Variants in ERBIN observed in about 807,000 individuals in gnomAD.
The protein encoded by ERBIN is densin-180-like protein.
In ERBIN, 60 loss-of-function variants were observed where a neutral mutation model predicts 158.4. The observed-to-expected ratio is 0.38, with a 90% CI of 0.31 to 0.47. ERBIN has a LOEUF of 0.47. Ranked by LOEUF, ERBIN falls within the 20% of genes least tolerant of loss-of-function variation. The pLI is 0.99. For synonymous variants in ERBIN, 594 were observed against 557.2 expected (o/e 1.07, Z -0.93); for missense variants, 1,610 against 1,648.0 (o/e 0.98, Z 0.40).
At chr5:66,011,096 ATATCTATCATAG>A (rs1754149903) in intron 4 of ERBIN, among the ~76,000 whole-genome samples, 1 of 152,244 alleles carries the variant, frequency 6.6e-6, no homozygotes, top group South Asian at 2.1e-4. Context: ...TCTCTTGAAT[ATATCTATCATAG>A]TATTCAGAAA....
At position 66,048,756 on chromosome 5, in the gene ERBIN, C is replaced by T. The variant is rs1003609604; in HGVS notation, c.1878C>T (p.Val626=). 1.3e-5 allele frequency: 21 copies of T among 1,600,656 alleles called. No individual in the cohort carries two copies. Among genetic ancestry groups the T allele is most frequent in the Non-Finnish European group, 7.7e-6 (9 of 1,173,832 alleles). ...AAACCTCTATTAACCAGCCAAAAGT[C>T]GTAGCACTTAGTAATAACAAAAAAG... is the stretch of plus-strand genomic sequence containing the variant. ...LIETSINQPK[V]VALSNNKKDD... Residue 626 remains valine (V), a synonymous_variant, in exon 19 of 26, where the codon GTC becomes GTT. Coordinates refer to ENST00000284037, the MANE Select transcript of ERBIN (RefSeq NM_001253697.2).
rs573480736 is a variant in ERBIN at position 66,029,592 on chromosome 5, G to GTCCT, written c.1206+1250_1206+1253dup. The stretch of plus-strand genomic sequence containing the variant: ...GTTCTGTCCTGTCCTGTCCTGTCCT[G>GTCCT]TCCTGTCTTGTCCTGTCCTTTTCTT... On this transcript the variant is annotated intron_variant, in intron 14 of 25. Coordinates refer to ENST00000284037, the MANE Select transcript of ERBIN (RefSeq NM_001253697.2). Among the ~76,000 whole-genome samples the GTCCT allele has an allele frequency of 3.9e-3, 589 of 151,902 alleles. 2 individuals carry two copies. Among genetic ancestry groups the GTCCT allele is most frequent in the Non-Finnish European group, 5.7e-3 (389 of 67,966 alleles).
At chr5:66,067,719 C>T (rs1448073355) in intron 21 of ERBIN, among the ~76,000 whole-genome samples, 2 of 151,886 alleles carry the variant, frequency 1.3e-5, no homozygotes, top group Admixed American at 1.3e-4. Context: ...CACACATTTT[C>T]TCGTTTTCTT....
At chr5:65,958,066 G>T (rs1169890202) in intron 1 of ERBIN, among the ~76,000 whole-genome samples, 21 of 151,556 alleles carry the variant, frequency 1.4e-4, no homozygotes, top group African/African-American at 4.9e-4. Context: ...ACGATGGGCG[G>T]CAGGGCAGAG....
intron 14 of ERBIN, among the ~76,000 whole-genome samples, chr5:66,029,990 A>G (rs1293137594): frequency 1.3e-5 from 2 of 152,078 alleles, no homozygotes; most frequent in African/African-American, 4.8e-5. Flanking sequence ...CTGCTTTGCA[A>G]ATTTAGAGAG....
intron 1 of ERBIN, among the ~76,000 whole-genome samples, chr5:65,981,040 G>A (rs1440524479): frequency 1.3e-5 from 2 of 152,164 alleles, no homozygotes; most frequent in African/African-American, 4.8e-5. Flanking sequence ...ATTACGTGGG[G>A]CGTCAAAAGT....
At chr5:66,010,502 T>G (rs1668170273) in intron 4 of ERBIN, among the ~76,000 whole-genome samples, 1 of 152,128 alleles carries the variant, frequency 6.6e-6, no homozygotes, top group African/African-American at 2.4e-5. Context: ...AATACCCTGT[T>G]TTTCATCATA....
intron 2 of ERBIN, among the ~76,000 whole-genome samples, chr5:65,989,444 T>G (rs554325272): frequency 7.2e-5 from 11 of 152,322 alleles, no homozygotes; most frequent in African/African-American, 2.6e-4. Context: ...GTAGTCTCTA[T>G]TCACAGAAAG....
At position 65,995,639 on chromosome 5, in the gene ERBIN, T is replaced by C. The variant is rs536549571; in HGVS notation, c.307+775T>C. 3.9e-5 allele frequency among the ~76,000 whole-genome samples: 6 copies of C among 152,284 alleles called. 1 individual carries two copies. In the South Asian group the frequency reaches 1.2e-3, roughly 32 times the overall value. On this transcript the variant is annotated intron_variant, in intron 4 of 25. Coordinates refer to ENST00000284037, the MANE Select transcript of ERBIN (RefSeq NM_001253697.2). The stretch of plus-strand genomic sequence containing the variant: ...CTGATTTCATTCACTTTGATACATA[T>C]CCAGTAGTGGGATTGCTGGATCTTG...
intron 14 of ERBIN, among the ~76,000 whole-genome samples, chr5:66,034,844 G>T (rs1371262178): frequency 6.6e-6 from 1 of 152,150 alleles, no homozygotes; most frequent in African/African-American, 2.4e-5. Flanking sequence ...TGCAAGAAAA[G>T]AATAATGCAG....
intron 4 of ERBIN, among the ~76,000 whole-genome samples, chr5:66,002,598 C>T (rs186025935): frequency 1.6e-3 from 236 of 152,222 alleles, no homozygotes; most frequent in Admixed American, 3.4e-3. Context: ...GCAATACTAG[C>T]GAGGTTAACC....
intron 14 of ERBIN, among the ~76,000 whole-genome samples, chr5:66,030,211 G>T (rs1580403942): frequency 6.6e-6 from 1 of 150,710 alleles, no homozygotes; most frequent in Admixed American, 6.6e-5. Context: ...GCTAATTTTT[G>T]TATTTTTTTT....
chr5:65,930,461 C>A (rs573471319), intron 1 of ERBIN, among the ~76,000 whole-genome samples: 1 of 152,206 alleles, frequency 6.6e-6, no homozygotes, highest in African/African-American at 2.4e-5. Context: ...GCGCCCGCCA[C>A]TGTGCCCGGC....
chr5:65,978,226 A>G (rs1028776433), intron 1 of ERBIN, among the ~76,000 whole-genome samples: 5 of 152,114 alleles, frequency 3.3e-5, no homozygotes, highest in Non-Finnish European at 5.9e-5. Context: ...AAGTATTGCT[A>G]TGAGCCTATA....
intron 1 of ERBIN, among the ~76,000 whole-genome samples, chr5:65,955,627 A>G (rs751724172): frequency 4.7e-5 from 7 of 150,028 alleles, no homozygotes; most frequent in Non-Finnish European, 1.0e-4. Context: ...CCATCTCAAC[A>G]AACAAACAAA....
At chr5:66,003,427 G>C (rs1302258157) in intron 4 of ERBIN, among the ~76,000 whole-genome samples, 1 of 152,154 alleles carries the variant, frequency 6.6e-6, no homozygotes, top group Non-Finnish European at 1.5e-5. Context: ...GGTTTGCCGT[G>C]GATGGGATGC....
At position 65,973,098 on chromosome 5, in the gene ERBIN, A is replaced by T. The variant is rs536733564; in HGVS notation, c.-57-15537A>T. On this transcript the variant is annotated intron_variant, in intron 1 of 25. Coordinates refer to ENST00000284037, the MANE Select transcript of ERBIN (RefSeq NM_001253697.2). ...TGCAGCCATAAAAAAGGATGAATTC[A>T]TGTCCTTTCTAGGAACATGGATGAA... 1.2e-3 allele frequency among the ~76,000 whole-genome samples: 183 copies of T among 151,274 alleles called. 1 individual carries two copies. Among genetic ancestry groups the T allele is most frequent in the Middle Eastern group, 3.4e-3 (1 of 290 alleles).
rs781559768 is a variant in ERBIN, at chr5:66,075,091, AC to A, written c.3830del (p.Pro1277LeufsTer14). On this transcript the variant is annotated frameshift_variant, in exon 23 of 26. Transcript: ENST00000284037. LOFTEE classifies it high-confidence loss of function. The part of the protein sequence containing the change: ...RPQANYSQIH[H>X]PPQASVARHP... The stretch of plus-strand genomic sequence containing the variant: ...CAGGCAAATTATAGTCAAATACATC[AC>A]CCCCCTCAGGCATCTGTGGCAAGGC... 2.5e-6 allele frequency: 4 copies of A among 1,614,058 alleles called. No individual in the cohort carries two copies. Among genetic ancestry groups the A allele is most frequent in the Non-Finnish European group, 2.5e-6 (3 of 1,179,990 alleles).
chr5:66,036,709 C>T (rs1757432067), intron 14 of ERBIN, among the ~76,000 whole-genome samples: 1 of 152,166 alleles, frequency 6.6e-6, no homozygotes, highest in Non-Finnish European at 1.5e-5. Flanking sequence ...CAGGACCTGT[C>T]ATAGTGCTTT....
Sources: allele counts gnomAD v4.1 joint callset (sites outside exome capture counted in the v4.1 genomes callset), GRCh38; gene constraint gnomAD v4.1.1; transcripts MANE v1.5; gene names NCBI Gene and HGNC (gene_info 2026-07-23, HGNC 2026-07-21).